Variants in MYCT1 observed in about 807,000 individuals in gnomAD.
MYCT1 encodes the protein MYC target 1, also known as myc target protein 1.
In MYCT1, 12 loss-of-function variants were observed where a neutral mutation model predicts 15.0. The observed-to-expected ratio is 0.80, with a 90% CI of 0.51 to 1.29. MYCT1 has a LOEUF of 1.29. Among genes scored for constraint, MYCT1 ranks in the 50% most tolerant of loss-of-function variants. MYCT1 has a pLI of 0.00. For missense variants in MYCT1, 287 were observed against 279.1 expected (o/e 1.03, Z -0.20); for synonymous variants, 104 against 102.7 (o/e 1.01, Z -0.07).
At chr6:152,741,716 A>G in the MYCT1 span, among the ~76,000 whole-genome samples, 1 of 152,198 alleles carries the variant, frequency 6.6e-6, no homozygotes, top group Non-Finnish European at 1.5e-5. Context: ...GTTTTTAACA[A>G]GACCTGGAAA....
the MYCT1 span, among the ~76,000 whole-genome samples, chr6:152,734,950 G>T: frequency 6.6e-6 from 1 of 152,080 alleles, no homozygotes; most frequent in Non-Finnish European, 1.5e-5. Context: ...TTGGAAATTT[G>T]TTTTTTAAAA....
At chr6:152,746,833 G>A in the MYCT1 span, among the ~76,000 whole-genome samples, 1 of 152,144 alleles carries the variant, frequency 6.6e-6, no homozygotes, top group Admixed American at 6.5e-5. Flanking sequence ...AAAAAATTCT[G>A]AGACAAAGGA....
At position 152,713,104 on chromosome 6, in the gene MYCT1, C is replaced by T. The variant is rs2099723041; in HGVS notation, c.197-8638C>T. ...CTTGCTTTTTCCCCCCAATATTTTT[C>T]TCCATTTTTCAAATTGGATAAGTTC... On this transcript the variant is annotated intron_variant, in intron 1 of 1. Transcript: ENST00000367245. Among the ~76,000 whole-genome samples, 3 of 151,886 alleles carry T rather than the reference C, an allele frequency of 2.0e-5. No homozygotes were observed. The South Asian group carries it at 6.2e-4, about 32-fold the overall frequency.
At chr6:152,721,455 C>T (rs1472925696) in intron 1 of MYCT1, among the ~76,000 whole-genome samples, 1 of 152,150 alleles carries the variant, frequency 6.6e-6, no homozygotes, top group East Asian at 1.9e-4. Flanking sequence ...TTAATGACAT[C>T]AAGTAAGACT....
intron 1 of MYCT1, among the ~76,000 whole-genome samples, chr6:152,716,844 A>G (rs1326475570): frequency 1.3e-5 from 2 of 152,206 alleles, no homozygotes. Context: ...CATTTTTAAA[A>G]GTAATCATTT....
chr6:152,708,803 A>G (rs894995381), intron 1 of MYCT1, among the ~76,000 whole-genome samples: 3 of 152,040 alleles, frequency 2.0e-5, no homozygotes, highest in Admixed American at 2.0e-4. Context: ...GTTTTAGTGT[A>G]GGTGTGCTGG....
chr6:152,721,054 A>G (rs1351661918), intron 1 of MYCT1, among the ~76,000 whole-genome samples: 1 of 152,196 alleles, frequency 6.6e-6, no homozygotes, highest in Admixed American at 6.5e-5. Flanking sequence ...CAGGAATTTC[A>G]TCATCACAAG....
At chr6:152,733,296 G>T in the MYCT1 span, among the ~76,000 whole-genome samples, 25 of 151,942 alleles carry the variant, frequency 1.6e-4, no homozygotes, top group Middle Eastern at 0.01. Flanking sequence ...TAGACATGGG[G>T]TTTTACCATG....
chr6:152,701,696 A>G (rs2099721352), intron 1 of MYCT1, among the ~76,000 whole-genome samples: 1 of 152,090 alleles, frequency 6.6e-6, no homozygotes, highest in Non-Finnish European at 1.5e-5. Flanking sequence ...CTTTTGAGAC[A>G]TTGCCCTTTC....
intron 1 of MYCT1, among the ~76,000 whole-genome samples, chr6:152,707,693 C>T (rs2099722534): frequency 6.6e-6 from 1 of 151,856 alleles, no homozygotes; most frequent in African/African-American, 2.4e-5. Flanking sequence ...GATAAGGGTC[C>T]AGTTTTATTC....
chr6:152,722,223 G>A lies in MYCT1; in HGVS notation c.678G>A (p.Glu226=), dbSNP rs751290962. 6.2e-7 allele frequency: 1 copy of A among 1,613,658 alleles called. No homozygotes were observed. The highest frequency in any genetic ancestry group is 1.1e-5 in the South Asian group (1 of 91,018). ...GLSTPPPPAY[E]SIIKAFPDS The stretch of plus-strand genomic sequence containing the variant: ...CAACACCGCCCCCACCTGCCTATGA[G>A]TCCATCATCAAGGCATTCCCAGATT... Residue 226 remains glutamate, a synonymous_variant, in exon 2 of 2, where the codon GAG becomes GAA. Transcript: ENST00000367245.
At chr6:152,707,630 T>A (rs1437975139) in intron 1 of MYCT1, among the ~76,000 whole-genome samples, 1 of 152,042 alleles carries the variant, frequency 6.6e-6, no homozygotes, top group African/African-American at 2.4e-5. Context: ...GGGTTTCTGG[T>A]CTTAGGTTTG....
At chr6:152,727,792 G>T (rs1208574035), downstream of MYCT1, among the ~76,000 whole-genome samples, 1 of 152,156 alleles carries the variant, frequency 6.6e-6, no homozygotes, top group African/African-American at 2.4e-5. Context: ...AGCAGAAATG[G>T]ACACCTTTAT....
At chr6:152,699,547 T>C (rs769318660) in intron 1 of MYCT1, among the ~76,000 whole-genome samples, 4 of 152,150 alleles carry the variant, frequency 2.6e-5, no homozygotes, top group Non-Finnish European at 5.9e-5. Flanking sequence ...TGTTAAAATA[T>C]TATTTGCTGT....
chr6:152,726,162 C>T (rs554530646), downstream of MYCT1, among the ~76,000 whole-genome samples: 27 of 152,122 alleles, frequency 1.8e-4, no homozygotes, highest in African/African-American at 5.3e-4. Context: ...TTTGGGAGGC[C>T]GAGGCGGGCA....
downstream of MYCT1, among the ~76,000 whole-genome samples, chr6:152,728,706 G>C (rs2099726070): frequency 6.6e-6 from 1 of 152,002 alleles, no homozygotes; most frequent in African/African-American, 2.4e-5. Flanking sequence ...GACCAGCCTG[G>C]GCAACATAGC....
At chr6:152,738,014 C>T in the MYCT1 span, among the ~76,000 whole-genome samples, 6 of 151,904 alleles carry the variant, frequency 3.9e-5, no homozygotes, top group Admixed American at 2.0e-4. Flanking sequence ...AAGCAAAAAG[C>T]CATATTCATG....
In MYCT1 at chr6:152,724,289, A is replaced by G. The variant is rs1361861761; in HGVS notation, c.*2036A>G. 6.7e-6 allele frequency: 1 copy of G among 150,310 alleles called. No homozygotes were observed. Among genetic ancestry groups the G allele is most frequent in the African/African-American group, 2.5e-5 (1 of 40,798 alleles). The allele number at this position is 150,310 out of a possible 1,614,324, so 9.3% of individuals were successfully genotyped here. A position where few individuals can be genotyped will look rare whatever the true frequency, so the allele number is the denominator to read the frequency against. Reference sequence around the variant, plus strand: ...TCCTTAATGTCTAACATGAAAAATCAGCAAAGAGTATGGTTTTTATCAAGA... The same window carrying G: ...TCCTTAATGTCTAACATGAAAAATCGGCAAAGAGTATGGTTTTTATCAAGA... On this transcript the variant is annotated 3_prime_UTR_variant, in exon 2 of 2. Transcript: ENST00000367245.
At chr6:152,738,498 A>C in the MYCT1 span, among the ~76,000 whole-genome samples, 2 of 152,196 alleles carry the variant, frequency 1.3e-5, no homozygotes, top group South Asian at 4.2e-4. Flanking sequence ...TTCACTGTCC[A>C]TTAATGGAAT....
Sources: allele counts gnomAD v4.1 joint callset (sites outside exome capture counted in the v4.1 genomes callset), GRCh38; gene constraint gnomAD v4.1.1; transcripts MANE v1.5; gene names NCBI Gene and HGNC (gene_info 2026-07-23, HGNC 2026-07-21).